Variants in AGBL3 observed in about 807,000 individuals in gnomAD.
AGBL3 encodes AGBL carboxypeptidase 3.
Under a neutral mutation model 94.5 loss-of-function variants are expected in AGBL3, and 68 were observed. That is an observed-to-expected ratio of 0.72 (90% confidence interval 0.59 to 0.88). The LOEUF is 0.88. Ranked by LOEUF, AGBL3 falls within the 40% of genes least tolerant of loss-of-function variation. The pLI, the probability that AGBL3 is intolerant of heterozygous loss-of-function variation, is 0.00. For synonymous variants in AGBL3, 354 were observed against 370.7 expected (o/e 0.95, Z 0.52); for missense variants, 934 against 1,103.8 (o/e 0.85, Z 2.18).
At chr7:134,992,754 T>C (rs901278947) in intron 3 of AGBL3, among the ~76,000 whole-genome samples, 1 of 152,248 alleles carries the variant, frequency 6.6e-6, no homozygotes, top group Non-Finnish European at 1.5e-5. Flanking sequence ...ATCTGAGCTC[T>C]AGTCCAGTTG....
At chr7:135,119,615 T>C (rs62479723) in intron 16 of AGBL3, among the ~76,000 whole-genome samples, 66,287 of 150,678 alleles carry the variant, frequency 0.44, 15,214 homozygotes, top group East Asian at 0.78. Flanking sequence ...CAGTGGCTCA[T>C]GCCTGTAATC....
At chr7:135,127,484 C>T (rs10258478) in intron 16 of AGBL3, among the ~76,000 whole-genome samples, 2,887 of 151,240 alleles carry the variant, frequency 0.019, 104 homozygotes, top group African/African-American at 0.065. Flanking sequence ...ACCCGGGAGG[C>T]GGAGGTTGCA....
At chr7:135,112,399 T>C (rs923545386) in intron 15 of AGBL3, among the ~76,000 whole-genome samples, 2 of 152,214 alleles carry the variant, frequency 1.3e-5, no homozygotes, top group African/African-American at 2.4e-5. Context: ...ATCTCAAAAG[T>C]GTTATTGCAA....
At chr7:135,072,867 G>A (rs10241991) in intron 12 of AGBL3, among the ~76,000 whole-genome samples, 8,274 of 151,598 alleles carry the variant, frequency 0.055, 300 homozygotes, top group Middle Eastern at 0.18. Context: ...TACATATGTA[G>A]CAAACCTTCA....
chr7:135,119,025 G>GGACT (rs1826734651), intron 16 of AGBL3, among the ~76,000 whole-genome samples: 2 of 152,134 alleles, frequency 1.3e-5, no homozygotes, highest in Non-Finnish European at 2.9e-5. Flanking sequence ...GGCACCTGTA[G>GGACT]GACTATAAGA....
intron 16 of AGBL3, chr7:135,129,128 A>T: frequency 1.3e-6 from 2 of 1,534,898 alleles, no homozygotes; most frequent in Non-Finnish European, 1.8e-6. Context: ...AAGCAGAGTT[A>T]TTTGCCTATT....
At chr7:135,065,971 G>A (rs915174989) in intron 12 of AGBL3, among the ~76,000 whole-genome samples, 6 of 152,126 alleles carry the variant, frequency 3.9e-5, no homozygotes, top group African/African-American at 1.4e-4. Context: ...CACACAAAAA[G>A]TCAACTGAAG....
intron 16 of AGBL3, among the ~76,000 whole-genome samples, chr7:135,127,550 T>TA (rs34308951): frequency 3.3e-4 from 48 of 146,438 alleles, no homozygotes; most frequent in Middle Eastern, 3.5e-3. Flanking sequence ...AGTCTCCGTC[T>TA]AAAAAAAAAA....
At chr7:135,097,212 A>C (rs1163249120) in intron 15 of AGBL3, among the ~76,000 whole-genome samples, 1 of 152,204 alleles carries the variant, frequency 6.6e-6, no homozygotes, top group Non-Finnish European at 1.5e-5. Flanking sequence ...CCGTCGGTCA[A>C]CAAAGGGAAA....
intron 4 of AGBL3, chr7:135,011,266 AT>A (rs1813119167): frequency 6.6e-6 from 1 of 152,204 alleles, no homozygotes; most frequent in African/African-American, 2.4e-5. Context: ...ACAAAAGTCC[AT>A]TTTAAATGGG....
At chr7:135,129,402 T>TTC in intron 16 of AGBL3, 2 of 815,534 alleles carry the variant, frequency 2.5e-6, no homozygotes, top group African/African-American at 1.7e-5. Flanking sequence ...GGAACAAAGG[T>TTC]ATGATAAGAG....
At chr7:135,037,052 T>G (rs1045045091) in intron 7 of AGBL3, among the ~76,000 whole-genome samples, 1 of 152,160 alleles carries the variant, frequency 6.6e-6, no homozygotes, top group African/African-American at 2.4e-5. Context: ...CCCAAGCAGC[T>G]GGGATTACAG....
chr7:135,123,502 C>T (rs1324496528), intron 16 of AGBL3, among the ~76,000 whole-genome samples: 4 of 152,138 alleles, frequency 2.6e-5, no homozygotes, highest in Admixed American at 1.3e-4. Context: ...TCTCCAACCT[C>T]GCAAGACAGG....
chr7:135,063,191 G>A (rs1211744321), intron 12 of AGBL3, among the ~76,000 whole-genome samples: 1 of 151,942 alleles, frequency 6.6e-6, no homozygotes, highest in Non-Finnish European at 1.5e-5. Context: ...TATTTCTGTG[G>A]TGTCGGTTAT....
intron 16 of AGBL3, among the ~76,000 whole-genome samples, chr7:135,127,426 G>A (rs1292110723): frequency 2.6e-5 from 4 of 152,010 alleles, no homozygotes; most frequent in African/African-American, 9.7e-5. Context: ...GGTGGCGCAC[G>A]CCTGTAGTCC....
chr7:135,043,686 C>A (rs1369601406), intron 8 of AGBL3, among the ~76,000 whole-genome samples: 1 of 152,002 alleles, frequency 6.6e-6, no homozygotes, highest in East Asian at 1.9e-4. Context: ...CAAAATATCT[C>A]ATGTACACCC....
chr7:135,029,109 A>G (rs1260983913), intron 5 of AGBL3, among the ~76,000 whole-genome samples: 3 of 152,228 alleles, frequency 2.0e-5, no homozygotes, highest in South Asian at 2.1e-4. Flanking sequence ...TAGATTTAGC[A>G]TAATTCTTAA....
intron 4 of AGBL3, among the ~76,000 whole-genome samples, chr7:135,002,143 C>A (rs548655714): frequency 7.2e-5 from 11 of 152,268 alleles, no homozygotes; most frequent in African/African-American, 2.6e-4. Context: ...GATCAGGAGT[C>A]CTGAAGACCA....
In AGBL3 at chr7:135,135,330, A is replaced by G; in HGVS notation, c.*69A>G. The G allele has an allele frequency of 7.5e-7, 1 of 1,326,652 alleles. No homozygotes were observed. The allele number at this position is 1,326,652 out of a possible 1,614,324, so 82.2% of individuals were successfully genotyped here. A position where few individuals can be genotyped will look rare whatever the true frequency, so the allele number is the denominator to read the frequency against. ...TATGCTTATGTAGTAAAAAGAAAAA[A>G]AGGAAAGCCCTCCCCTTCCCCTTTC... On this transcript the variant is annotated 3_prime_UTR_variant, in exon 17 of 17. Coordinates refer to ENST00000436302, the MANE Select transcript of AGBL3 (RefSeq NM_178563.4).
Sources: gnomAD v4.1 joint callset for allele counts (sites outside exome capture counted in the v4.1 genomes callset) on GRCh38, gnomAD v4.1.1 for gene constraint, MANE v1.5 for transcripts, NCBI Gene and HGNC (gene_info 2026-07-23, HGNC 2026-07-21) for gene names.